Variants in SLC16A9 observed in about 807,000 individuals in gnomAD.
The protein encoded by SLC16A9 is solute carrier family 16 member 9, also known as monocarboxylate transporter 9.
A neutral mutation model predicts 44.3 loss-of-function variants in SLC16A9; 26 were observed. The ratio of observed to expected loss-of-function variants is 0.59; its 90% CI spans 0.43 to 0.81. The LOEUF (loss-of-function observed/expected upper bound fraction) is 0.81, where lower values mean the gene tolerates loss of function less well. Ranked by LOEUF, SLC16A9 falls within the 40% of genes least tolerant of loss-of-function variation. SLC16A9 has a pLI of 0.00. For missense variants in SLC16A9, 559 were observed against 595.8 expected (o/e 0.94, Z 0.64); for synonymous variants, 230 against 225.1 (o/e 1.02, Z -0.19).
intron 2 of SLC16A9, among the ~76,000 whole-genome samples, chr10:59,677,016 T>C (rs564363893): frequency 6.7e-6 from 1 of 150,276 alleles, no homozygotes; most frequent in Non-Finnish European, 1.5e-5. Context: ...GTGAGAAGGA[T>C]GTAATTTTGG....
At chr10:59,706,999 C>CAAAA (rs760131923) in intron 1 of SLC16A9, among the ~76,000 whole-genome samples, 2 of 90,516 alleles carry the variant, frequency 2.2e-5, no homozygotes, top group African/African-American at 4.3e-5. Context: ...AACTCCATCT[C>CAAAA]AAAAAAAAAA....
At chr10:59,689,411 G>GGACT (rs1369482633) in intron 1 of SLC16A9, among the ~76,000 whole-genome samples, 2 of 152,114 alleles carry the variant, frequency 1.3e-5, no homozygotes, top group Non-Finnish European at 2.9e-5. Flanking sequence ...AGGGCTTGTG[G>GGACT]GACTGTTAAT....
At chr10:59,702,733 A>T (rs1840551998) in intron 1 of SLC16A9, among the ~76,000 whole-genome samples, 1 of 152,238 alleles carries the variant, frequency 6.6e-6, no homozygotes, top group Non-Finnish European at 1.5e-5. Flanking sequence ...AAATCCATTC[A>T]TTATGTTTAC....
chr10:59,657,773 T>C (rs991557469), intron 4 of SLC16A9, among the ~76,000 whole-genome samples: 5 of 152,174 alleles, frequency 3.3e-5, no homozygotes, highest in African/African-American at 1.2e-4. Context: ...ATCCCTTTCA[T>C]ATGTCCAATA....
At chr10:59,655,055 G>T (rs913960443) in intron 4 of SLC16A9, among the ~76,000 whole-genome samples, 1 of 152,186 alleles carries the variant, frequency 6.6e-6, no homozygotes, top group Non-Finnish European at 1.5e-5. Flanking sequence ...ACTTTGGGAG[G>T]CTGAGGTGGG....
chr10:59,704,512 A>G (rs1267472004), intron 1 of SLC16A9, among the ~76,000 whole-genome samples: 4 of 152,258 alleles, frequency 2.6e-5, no homozygotes, highest in Admixed American at 2.6e-4. Context: ...CTCAAACTCA[A>G]AAGTGAAAAT....
At chr10:59,696,935 G>A (rs1445217253) in intron 1 of SLC16A9, among the ~76,000 whole-genome samples, 1 of 145,462 alleles carries the variant, frequency 6.9e-6, no homozygotes, top group South Asian at 2.2e-4. Flanking sequence ...AGGGAGGTGG[G>A]GGGTCAGCCC....
rs1473024003 is a variant in SLC16A9, at chr10:59,653,958, A to G, written c.1068T>C (p.Gly356=). 6.2e-7 allele frequency: 1 copy of G among 1,613,978 alleles called. No homozygotes were observed. Among genetic ancestry groups the G allele is most frequent in the Non-Finnish European group, 8.5e-7 (1 of 1,180,008 alleles). ...ISIIGIMTAV[G]KLLLGILADF... ...CAGCCAGTATCCCTAAAAGCAGTTTACCAACTGCTGTCATAATGCCTATAA... is the reference window on the plus strand; with the variant it reads ...CAGCCAGTATCCCTAAAAGCAGTTTGCCAACTGCTGTCATAATGCCTATAA... The change falls in exon 5 of 6, where the codon GGT becomes GGC. Residue 356 remains glycine, a synonymous_variant. Coordinates refer to ENST00000395348, the MANE Select transcript of SLC16A9 (RefSeq NM_194298.3).
chr10:59,672,879 T>G lies in SLC16A9; in HGVS notation c.231A>C (p.Gly77=). ...CACTGAAGATTGTGACAGGTCTTGC[T>G]CCAAAAGATGAGACACAGAGACTGC... The part of the protein sequence containing the change: ...PVCSLCVSSF[G]ARPVTIFSGF... The change falls in exon 3 of 6, where the codon GGA becomes GGC. Residue 77 remains glycine, a synonymous_variant. Coordinates refer to ENST00000395348, the MANE Select transcript of SLC16A9 (RefSeq NM_194298.3). 6.2e-7 allele frequency: 1 copy of G among 1,613,468 alleles called. No homozygotes were observed. Among genetic ancestry groups the G allele is most frequent in the Non-Finnish European group, 8.5e-7 (1 of 1,179,728 alleles).
At chr10:59,669,413 A>G (rs534716787) in intron 3 of SLC16A9, among the ~76,000 whole-genome samples, 10 of 152,224 alleles carry the variant, frequency 6.6e-5, no homozygotes, top group Non-Finnish European at 1.0e-4. Flanking sequence ...AGTATTAACC[A>G]AAGTGATGTT....
chr10:59,662,978 C>A (rs1839516401), intron 4 of SLC16A9, among the ~76,000 whole-genome samples: 1 of 152,174 alleles, frequency 6.6e-6, no homozygotes, highest in African/African-American at 2.4e-5. Flanking sequence ...GACACATGCA[C>A]ATGTATGTTT....
intron 3 of SLC16A9, among the ~76,000 whole-genome samples, chr10:59,666,947 C>A (rs1839633419): frequency 6.7e-6 from 1 of 149,772 alleles, no homozygotes; most frequent in African/African-American, 2.5e-5. Flanking sequence ...CTTCCCAATT[C>A]ATAAAGATTT....
At chr10:59,698,429 T>C (rs1840449254) in intron 1 of SLC16A9, among the ~76,000 whole-genome samples, 1 of 152,192 alleles carries the variant, frequency 6.6e-6, no homozygotes, top group Non-Finnish European at 1.5e-5. Context: ...ATCCCCAGAA[T>C]CTGTTGGCTG....
At chr10:59,656,937 A>G (rs1277392085) in intron 4 of SLC16A9, among the ~76,000 whole-genome samples, 1 of 152,224 alleles carries the variant, frequency 6.6e-6, no homozygotes, top group Non-Finnish European at 1.5e-5. Flanking sequence ...GCGTTCAGGG[A>G]ACACGAAGCA....
intron 4 of SLC16A9, among the ~76,000 whole-genome samples, chr10:59,658,680 C>T (rs894343485): frequency 2.6e-5 from 4 of 152,224 alleles, no homozygotes; most frequent in Non-Finnish European, 4.4e-5. Flanking sequence ...AAACTGCATT[C>T]CAACTACTCT....
intron 1 of SLC16A9, among the ~76,000 whole-genome samples, chr10:59,688,990 C>T (rs1441536964): frequency 2.0e-5 from 3 of 152,020 alleles, no homozygotes; most frequent in Non-Finnish European, 4.4e-5. Flanking sequence ...CATGCCCTGC[C>T]TTCGGTGACA....
intron 4 of SLC16A9, among the ~76,000 whole-genome samples, chr10:59,662,489 G>A (rs761534460): frequency 2.6e-5 from 4 of 151,606 alleles, no homozygotes; most frequent in Non-Finnish European, 4.4e-5. Context: ...ACAAAAATTA[G>A]CTGGGCGTGG....
intron 4 of SLC16A9, among the ~76,000 whole-genome samples, chr10:59,654,938 G>A (rs1490840912): frequency 5.3e-5 from 8 of 152,132 alleles, no homozygotes; most frequent in Admixed American, 5.2e-4. Context: ...TCAAAAATCT[G>A]TAAAGAACAT....
chr10:59,684,864 C>T (rs1840098468), intron 1 of SLC16A9, among the ~76,000 whole-genome samples: 1 of 152,170 alleles, frequency 6.6e-6, no homozygotes, highest in African/African-American at 2.4e-5. Context: ...ATCCACACTT[C>T]CATGTTGATC....
Sources: allele counts gnomAD v4.1 joint callset (sites outside exome capture counted in the v4.1 genomes callset), GRCh38; gene constraint gnomAD v4.1.1; transcripts MANE v1.5; gene names NCBI Gene and HGNC (gene_info 2026-07-23, HGNC 2026-07-21).